The following GRIK1 variants were observed in gnomAD, a reference collection of about 807,000 sequenced individuals.
GRIK1 encodes the protein glutamate ionotropic receptor kainate type subunit 1.
Under a neutral mutation model 105.7 loss-of-function variants are expected in GRIK1, and 69 were observed. That is an observed-to-expected ratio of 0.65 (90% confidence interval 0.54 to 0.80). The LOEUF is 0.80. Ranked by LOEUF, GRIK1 falls within the 30% of genes least tolerant of loss-of-function variation. The pLI, the probability that GRIK1 is intolerant of heterozygous loss-of-function variation, is 0.00. For synonymous variants in GRIK1, 438 were observed against 431.3 expected, an observed-to-expected ratio of 1.02 and a Z score of -0.19; for missense variants, 1,109 against 1,167.3, an observed-to-expected ratio of 0.95 and a Z score of 0.73.
At chr21:29,886,410 C>A (rs1453189304) in intron 1 of GRIK1, among the ~76,000 whole-genome samples, 3 of 152,090 alleles carry the variant, frequency 2.0e-5, no homozygotes, top group Non-Finnish European at 4.4e-5. Flanking sequence ...GCTGACACTG[C>A]AGTGTGTTCA....
At chr21:29,731,860 T>C (rs2064634671) in intron 1 of GRIK1, among the ~76,000 whole-genome samples, 1 of 152,236 alleles carries the variant, frequency 6.6e-6, no homozygotes, top group Non-Finnish European at 1.5e-5. Context: ...AAAGCATCAG[T>C]GATTTTCATC....
At chr21:29,822,240 C>T (rs1394595567) in intron 1 of GRIK1, among the ~76,000 whole-genome samples, 3 of 151,986 alleles carry the variant, frequency 2.0e-5, no homozygotes, top group African/African-American at 7.2e-5. Context: ...AATATGTAAA[C>T]AAAATGGGCA....
At chr21:29,719,145 T>C (rs896137780) in intron 1 of GRIK1, among the ~76,000 whole-genome samples, 5 of 149,984 alleles carry the variant, frequency 3.3e-5, no homozygotes, top group African/African-American at 9.7e-5. Flanking sequence ...GAAAGTTATC[T>C]AGATAAAAGC....
At chr21:29,567,545 C>G (rs965224950) in intron 14 of GRIK1, among the ~76,000 whole-genome samples, 1 of 152,020 alleles carries the variant, frequency 6.6e-6, no homozygotes, top group Non-Finnish European at 1.5e-5. Flanking sequence ...GATATTTGAT[C>G]TTTTTATCTT....
chr21:29,674,661 T>G (rs1275734733), intron 3 of GRIK1, among the ~76,000 whole-genome samples: 1 of 152,106 alleles, frequency 6.6e-6, no homozygotes, highest in Non-Finnish European at 1.5e-5. Context: ...CCCCTTGCTC[T>G]CTCTCTCTCT....
intron 1 of GRIK1, among the ~76,000 whole-genome samples, chr21:29,729,387 C>G (rs915820046): frequency 6.6e-6 from 1 of 152,200 alleles, no homozygotes; most frequent in Non-Finnish European, 1.5e-5. Context: ...TTGTTTTCCC[C>G]CAAAATCCAC....
At position 29,847,930 on chromosome 21, in the gene GRIK1, C is replaced by G. The variant is rs571678234; in HGVS notation, c.118+91453G>C. Reference sequence around the variant, plus strand: ...TCTCTCTCTCCCTCTCTCTCTCTCTCACACACACACATGCACATGTGTATG... The same window carrying G: ...TCTCTCTCTCCCTCTCTCTCTCTCTGACACACACACATGCACATGTGTATG... On this transcript the variant is annotated intron_variant, in intron 1 of 17. Transcript: ENST00000327783. Among the ~76,000 whole-genome samples, 9 of 152,042 alleles carry G rather than the reference C, an allele frequency of 5.9e-5. No homozygotes were observed. The South Asian group carries it at 1.7e-3, about 28-fold the overall frequency.
chr21:29,694,530 C>A (rs898413931), intron 1 of GRIK1, among the ~76,000 whole-genome samples: 5 of 152,136 alleles, frequency 3.3e-5, no homozygotes, highest in Non-Finnish European at 7.4e-5. Flanking sequence ...TCAGCATGTG[C>A]CACATGCAGA....
chr21:29,893,808 G>T (rs1472061319), intron 1 of GRIK1, among the ~76,000 whole-genome samples: 1 of 152,176 alleles, frequency 6.6e-6, no homozygotes, highest in Non-Finnish European at 1.5e-5. Context: ...CATGGAGGTT[G>T]CCCCATCTCT....
At chr21:29,871,544 T>G (rs1461495421) in intron 1 of GRIK1, among the ~76,000 whole-genome samples, 2 of 152,054 alleles carry the variant, frequency 1.3e-5, no homozygotes, top group Non-Finnish European at 2.9e-5. Context: ...AAAGATCTGG[T>G]CTCTACCACG....
chr21:29,770,498 A>G (rs895650647), intron 1 of GRIK1, among the ~76,000 whole-genome samples: 13 of 152,250 alleles, frequency 8.5e-5, no homozygotes, highest in Admixed American at 8.5e-4. Flanking sequence ...ATGCACATGT[A>G]GCCACCACTG....
Position 29,699,575 on chromosome 21 carries a change from T to C in GRIK1, c.119-5512A>G, listed in dbSNP as rs145408694. ...TCTGTTGTTTAAGCCACCCAGTCTA[T>C]GGTCTTTTTTGTTTGTTTGTTTTTT... is the stretch of plus-strand genomic sequence containing the variant. On this transcript the variant is annotated intron_variant, in intron 1 of 17. Transcript: ENST00000327783. 3.0e-3 allele frequency among the ~76,000 whole-genome samples: 450 copies of C among 152,256 alleles called. 5 individuals are homozygous for C. Among genetic ancestry groups the C allele is most frequent in the African/African-American group, 0.01 (431 of 41,546 alleles).
chr21:29,587,274 T>C (rs2091148971), intron 12 of GRIK1, 92 bp downstream of exon 12: 1 of 733,762 alleles, frequency 1.4e-6, no homozygotes, highest in African/African-American at 1.8e-5. Context: ...AAAAGTACAC[T>C]TTAAAGTTCC....
At chr21:29,854,016 G>A (rs888588781) in intron 1 of GRIK1, among the ~76,000 whole-genome samples, 9 of 152,172 alleles carry the variant, frequency 5.9e-5, no homozygotes, top group Admixed American at 2.6e-4. Context: ...TCAGTAGTGA[G>A]CGGCCTAGTC....
intron 1 of GRIK1, among the ~76,000 whole-genome samples, chr21:29,927,695 A>AC (rs1398234219): frequency 6.6e-6 from 1 of 151,734 alleles, no homozygotes; most frequent in African/African-American, 2.4e-5. Flanking sequence ...ACATGGTGAA[A>AC]CCCCGTCTCT....
intron 8 of GRIK1, among the ~76,000 whole-genome samples, chr21:29,597,347 G>A (rs1363970831): frequency 2.6e-5 from 4 of 152,094 alleles, no homozygotes; most frequent in Admixed American, 2.0e-4. Context: ...ATAATATTAC[G>A]GTGTATAGAT....
In GRIK1 at chr21:29,867,868, A is replaced by G. The variant is rs1462108266; in HGVS notation, c.118+71515T>C. ...GGAAGGAAAGAGAGAAAGAGAGAGA[A>G]AGAGAGAAAGAGAGAGAAAGAGAGA... On this transcript the variant is annotated intron_variant, in intron 1 of 17. Transcript: ENST00000327783. Among the ~76,000 whole-genome samples the G allele has an allele frequency of 5.3e-3, 264 of 49,574 alleles. 5 individuals carry two copies. The highest frequency in any genetic ancestry group is 0.016 in the African/African-American group (248 of 15,376). The allele number at this position is 49,574 out of a possible 152,430, so 32.5% of individuals were successfully genotyped here. A position where few individuals can be genotyped will look rare whatever the true frequency, so the allele number is the denominator to read the frequency against.
intron 1 of GRIK1, among the ~76,000 whole-genome samples, chr21:29,886,222 C>T (rs1311379686): frequency 6.6e-6 from 1 of 152,080 alleles, no homozygotes; most frequent in East Asian, 1.9e-4. Context: ...CCTGTGAGTT[C>T]CAAGGGATCA....
At chr21:29,687,816 G>A (rs2063512700) in intron 3 of GRIK1, among the ~76,000 whole-genome samples, 1 of 152,158 alleles carries the variant, frequency 6.6e-6, no homozygotes, top group South Asian at 2.1e-4. Flanking sequence ...AATCTACAAT[G>A]CCTACGTCTT....
Sources: gnomAD v4.1 joint callset for allele counts (sites outside exome capture counted in the v4.1 genomes callset) on GRCh38, gnomAD v4.1.1 for gene constraint, MANE v1.5 for transcripts, NCBI Gene and HGNC (gene_info 2026-07-23, HGNC 2026-07-21) for gene names.